PRKAR2B: variants seen among roughly 807,000 people sequenced by gnomAD.
PRKAR2B encodes the protein cAMP-dependent protein kinase type II-beta regulatory subunit.
In PRKAR2B, 14 loss-of-function variants were observed where a neutral mutation model predicts 49.9. That is an observed-to-expected ratio of 0.28 (90% CI 0.19 to 0.44). The LOEUF (loss-of-function observed/expected upper bound fraction) is 0.44, where lower values mean the gene tolerates loss of function less well. Ranked by LOEUF, PRKAR2B falls within the 20% of genes least tolerant of loss-of-function variation. PRKAR2B has a pLI of 1.00. For missense variants in PRKAR2B, 393 were observed against 537.9 expected, an observed-to-expected ratio of 0.73 and a Z score of 2.67; for synonymous variants, 196 against 197.7, an observed-to-expected ratio of 0.99 and a Z score of 0.07.
intron 1 of PRKAR2B, among the ~76,000 whole-genome samples, chr7:107,056,091 G>GA (rs1793906223): frequency 2.0e-5 from 3 of 152,162 alleles, no homozygotes; most frequent in Admixed American, 2.0e-4. Flanking sequence ...CCCATTGCTT[G>GA]TTTTTGTCAG....
intron 7 of PRKAR2B, 99 bp downstream of exon 7, chr7:107,151,122 A>T: frequency 1.6e-6 from 1 of 612,698 alleles, no homozygotes; most frequent in Non-Finnish European, 2.6e-6. Flanking sequence ...AATAAAAAAA[A>T]ATCTATCCAT....
rs752958010 is a variant in PRKAR2B, at chr7:107,046,835, T to TAG, written c.307+1622_307+1623insGA. ...ACTAAGGGGCTTGGTAAAGACCATA[T>TAG]ATATATATATATTCTGTATGATATG... On this transcript the variant is annotated intron_variant, in intron 1 of 10. Transcript: ENST00000265717. 1.4e-3 allele frequency among the ~76,000 whole-genome samples: 220 copies of TAG among 152,112 alleles called. 1 individual carries two copies. The highest frequency in any genetic ancestry group is 2.6e-3 in the Non-Finnish European group (180 of 67,996).
intron 1 of PRKAR2B, among the ~76,000 whole-genome samples, chr7:107,064,923 G>A (rs975318701): frequency 6.6e-6 from 1 of 152,110 alleles, no homozygotes; most frequent in African/African-American, 2.4e-5. Context: ...TTGTTTATTT[G>A]CCTGTTTGCT....
Position 107,045,185 on chromosome 7 carries a change from C to T in PRKAR2B, c.278C>T (p.Ala93Val), listed in dbSNP as rs775932235. The T allele has an allele frequency of 5.5e-6, 8 of 1,455,596 alleles. No individual in the cohort carries two copies. Among genetic ancestry groups the T allele is most frequent in the Non-Finnish European group, 7.2e-6 (8 of 1,105,550 alleles). 90.2% of individuals were successfully genotyped at this position (1,455,596 alleles called of 1,614,324 possible). ...SDSEDGEEEE[A>V]APADAGAFNA... ...TCCGAGGACGGGGAGGAGGAGGAGG[C>T]GGCGCCCGCGGACGCAGGGGCGTTC... The change falls in exon 1 of 11, where the codon GCG (alanine) becomes GTG (valine). Residue 93 changes from alanine to valine, a missense_variant. Around this residue, in one of 2 missense-constraint regions of PRKAR2B, gnomAD observed 160 missense variants for 147.6 expected, o/e 1.08. Coordinates refer to ENST00000265717, the MANE Select transcript of PRKAR2B (RefSeq NM_002736.3).
chr7:107,069,324 A>G (rs1037659302), intron 1 of PRKAR2B, among the ~76,000 whole-genome samples: 9 of 152,216 alleles, frequency 5.9e-5, no homozygotes, highest in African/African-American at 2.2e-4. Flanking sequence ...TCCTGTGCAT[A>G]CATATTTTTC....
chr7:107,089,796 A>C (rs1259020301), intron 2 of PRKAR2B, among the ~76,000 whole-genome samples: 1 of 152,218 alleles, frequency 6.6e-6, no homozygotes, highest in Non-Finnish European at 1.5e-5. Flanking sequence ...TATCATTTAC[A>C]TTCTCTACTA....
intron 1 of PRKAR2B, among the ~76,000 whole-genome samples, chr7:107,045,908 A>G (rs986818090): frequency 1.3e-5 from 2 of 152,246 alleles, no homozygotes; most frequent in African/African-American, 2.4e-5. Context: ...TGCTTTTTAT[A>G]TAAAAGACAT....
chr7:107,120,723 A>T (rs1463608422), intron 2 of PRKAR2B, among the ~76,000 whole-genome samples: 2 of 152,106 alleles, frequency 1.3e-5, no homozygotes, highest in African/African-American at 4.8e-5. Flanking sequence ...TTTAAAACAC[A>T]TTGGGGAATT....
chr7:107,157,582 C>T (rs984035820), intron 10 of PRKAR2B, among the ~76,000 whole-genome samples: 1 of 152,116 alleles, frequency 6.6e-6, no homozygotes, highest in South Asian at 2.1e-4. Context: ...AATAAGAGTT[C>T]CAAGTACCAC....
At chr7:107,073,106 A>G (rs1030650483) in intron 2 of PRKAR2B, among the ~76,000 whole-genome samples, 1 of 152,222 alleles carries the variant, frequency 6.6e-6, no homozygotes, top group African/African-American at 2.4e-5. Flanking sequence ...TGACTTTCCT[A>G]AATCTTTTGA....
At chr7:107,093,779 G>A (rs1794781338) in intron 2 of PRKAR2B, among the ~76,000 whole-genome samples, 1 of 151,204 alleles carries the variant, frequency 6.6e-6, no homozygotes, top group South Asian at 2.1e-4. Flanking sequence ...TTCTGTCCTT[G>A]CGATAGTTTG....
intron 4 of PRKAR2B, among the ~76,000 whole-genome samples, chr7:107,129,998 T>C (rs1393825478): frequency 2.6e-5 from 4 of 152,130 alleles, no homozygotes; most frequent in Admixed American, 2.6e-4. Context: ...TCCTGTGACT[T>C]AGAATGCCTT....
intron 1 of PRKAR2B, among the ~76,000 whole-genome samples, chr7:107,067,739 G>A (rs1217282276): frequency 6.6e-6 from 1 of 152,196 alleles, no homozygotes; most frequent in East Asian, 1.9e-4. Context: ...ACCATAAGGA[G>A]CATTGTAGTA....
At chr7:107,073,930 C>T (rs1478225620) in intron 2 of PRKAR2B, among the ~76,000 whole-genome samples, 2 of 151,756 alleles carry the variant, frequency 1.3e-5, no homozygotes, top group Non-Finnish European at 2.9e-5. Context: ...GGCATGGTGG[C>T]GCGTGCCTAT....
At chr7:107,113,910 A>G (rs1795219068) in intron 2 of PRKAR2B, among the ~76,000 whole-genome samples, 1 of 152,282 alleles carries the variant, frequency 6.6e-6, no homozygotes, top group East Asian at 1.9e-4. Context: ...GCTACTCATG[A>G]TGTATGAACA....
Position 107,102,119 on chromosome 7 carries a change from T to C in PRKAR2B, c.344-19833T>C, listed in dbSNP as rs1276016919. Among the ~76,000 whole-genome samples the C allele has an allele frequency of 2.6e-5, 4 of 152,186 alleles. No individual in the cohort carries two copies. In the South Asian group the frequency reaches 8.3e-4, roughly 32 times the overall value. On this transcript the variant is annotated intron_variant, in intron 2 of 10. Transcript: ENST00000265717. ...CTACTCTGGAGGCTGAGGCAGAGAATTGCTTAAACCTGGAGGGGCAGAGGT... is the reference window on the plus strand; with the variant it reads ...CTACTCTGGAGGCTGAGGCAGAGAACTGCTTAAACCTGGAGGGGCAGAGGT...
intron 1 of PRKAR2B, among the ~76,000 whole-genome samples, chr7:107,064,775 A>G (rs1208437756): frequency 1.3e-5 from 2 of 152,218 alleles, no homozygotes; most frequent in Non-Finnish European, 2.9e-5. Context: ...CTGAGTATTA[A>G]TAATTGTGGT....
intron 1 of PRKAR2B, among the ~76,000 whole-genome samples, chr7:107,055,126 T>C (rs530751476): frequency 6.6e-6 from 1 of 152,352 alleles, no homozygotes; most frequent in African/African-American, 2.4e-5. Flanking sequence ...TCCATGTCCC[T>C]GCAAAGGACA....
At chr7:107,119,838 G>C (rs1308066355) in intron 2 of PRKAR2B, among the ~76,000 whole-genome samples, 2 of 152,222 alleles carry the variant, frequency 1.3e-5, no homozygotes, top group African/African-American at 4.8e-5. Context: ...TCATATGTCA[G>C]TGAGGTTCTT....
Sources: allele counts gnomAD v4.1 joint callset (sites outside exome capture counted in the v4.1 genomes callset), GRCh38; gene constraint gnomAD v4.1.1; regional missense constraint gnomAD v4.1.1; transcripts MANE v1.5; gene names NCBI Gene and HGNC (gene_info 2026-07-23, HGNC 2026-07-21).